MTM1: variants seen among roughly 807,000 people sequenced by gnomAD.
The protein encoded by MTM1 is myotubularin.
In MTM1, 9 loss-of-function variants were observed where a neutral mutation model predicts 52.1. The ratio of observed to expected loss-of-function variants is 0.17; its 90% CI spans 0.10 to 0.30. MTM1 has a LOEUF of 0.30. Among genes scored for constraint, MTM1 ranks in the 10% least tolerant of loss-of-function variants. The pLI, the probability that MTM1 is intolerant of heterozygous loss-of-function variation, is 1.00. For synonymous variants in MTM1, 136 were observed against 163.8 expected (o/e 0.83, Z 1.29); for missense variants, 277 against 470.7 (o/e 0.59, Z 3.81).
intron 4 of MTM1, among the ~76,000 whole-genome samples, chrX:150,601,244 A>G (rs977165272): frequency 9.0e-6 from 1 of 111,698 alleles, no homozygotes; most frequent in African/African-American, 3.2e-5. Context: ...TAAGTTTTAC[A>G]TAAACATTTT....
chrX:150,657,004 A>C (rs1307026250), intron 10 of MTM1, among the ~76,000 whole-genome samples: 3 of 111,064 alleles, frequency 2.7e-5, no homozygotes, highest in Non-Finnish European at 3.8e-5. Flanking sequence ...GAGAAATAAG[A>C]ACACTTTTAC....
intron 4 of MTM1, among the ~76,000 whole-genome samples, chrX:150,611,723 A>G (rs1031287479): frequency 9.0e-6 from 1 of 111,691 alleles, no homozygotes; most frequent in Non-Finnish European, 1.9e-5. Context: ...ACCACCATCA[A>G]TAATCAAGAC....
At chrX:150,642,176 AT>A (rs1309054352) in intron 8 of MTM1, among the ~76,000 whole-genome samples, 2 of 110,775 alleles carry the variant, frequency 1.8e-5, no homozygotes, top group Admixed American at 9.6e-5. Flanking sequence ...AAGTCTAGAC[AT>A]TTTTTTTCCT....
At chrX:150,582,699 C>G (rs782773854) in intron 1 of MTM1, among the ~76,000 whole-genome samples, 1 of 111,041 alleles carries the variant, frequency 9.0e-6, no homozygotes, top group South Asian at 3.8e-4. Flanking sequence ...CAAGGAATGC[C>G]AAGGATTGCA....
chrX:150,628,743 T>C (rs1557413477), intron 6 of MTM1, among the ~76,000 whole-genome samples: 1 of 109,864 alleles, frequency 9.1e-6, no homozygotes, highest in Non-Finnish European at 1.9e-5. Flanking sequence ...TGTTTTCTTT[T>C]TTTTTTTTTG....
intron 4 of MTM1, among the ~76,000 whole-genome samples, chrX:150,607,914 G>A (rs945322349): frequency 8.9e-6 from 1 of 111,772 alleles, no homozygotes; most frequent in Non-Finnish European, 1.9e-5. Context: ...GATCAGTGTT[G>A]CGTGGGAGTA....
chrX:150,654,761 CT>C (rs1432402009), intron 10 of MTM1, among the ~76,000 whole-genome samples: 1 of 111,763 alleles, frequency 8.9e-6, no homozygotes, highest in Non-Finnish European at 1.9e-5. Flanking sequence ...TACATCAGAT[CT>C]TTCACTTGGT....
At chrX:150,656,026 T>G (rs2040107363) in intron 10 of MTM1, among the ~76,000 whole-genome samples, 1 of 111,956 alleles carries the variant, frequency 8.9e-6, no homozygotes, top group Non-Finnish European at 1.9e-5. Flanking sequence ...CTACTGATTA[T>G]GAGCCAGATA....
At chrX:150,578,258 G>A (rs782710916) in intron 1 of MTM1, among the ~76,000 whole-genome samples, 2 of 111,998 alleles carry the variant, frequency 1.8e-5, no homozygotes, top group South Asian at 7.4e-4. Context: ...ACTAAAAGCT[G>A]CTTAGCAAAA....
At chrX:150,613,958 T>G (rs222396) in intron 4 of MTM1, among the ~76,000 whole-genome samples, 38,112 of 111,183 alleles carry the variant, frequency 0.34, 4,921 homozygotes, top group South Asian at 0.55. Flanking sequence ...TTCCAGATGC[T>G]TGGTCTCTAG....
chrX:150,671,566 A>G lies in MTM1; in HGVS notation c.1783A>G (p.Met595Val), dbSNP rs367692513. The stretch of plus-strand genomic sequence containing the variant: ...AACTTCACCTTCCAGTCCTTCGCAA[A>G]TGATGCCCCATGTGCAAACTCACTT... ...PPTSPSSPSQMMPHVQTHF is the reference protein window; with the variant it reads ...PPTSPSSPSQVMPHVQTHF The change falls in exon 15 of 15, where the codon ATG (methionine) becomes GTG (valine). Residue 595 changes from methionine to valine, a missense_variant. Coordinates refer to ENST00000370396, the MANE Select transcript of MTM1 (RefSeq NM_000252.3). 1.2e-5 allele frequency: 14 copies of G among 1,209,206 alleles called. No homozygotes were observed. Among genetic ancestry groups the G allele is most frequent in the Non-Finnish European group, 1.3e-5 (12 of 895,195 alleles).
intron 4 of MTM1, among the ~76,000 whole-genome samples, chrX:150,603,417 G>T (rs1344198255): frequency 8.9e-6 from 1 of 111,821 alleles, no homozygotes; most frequent in Non-Finnish European, 1.9e-5. Flanking sequence ...GATGGGTTAG[G>T]GGCGGGAGAG....
rs1278357976 is a variant in MTM1, at chrX:150,648,342, C to CA, written c.868-1365dup. Among the ~76,000 whole-genome samples the CA allele has an allele frequency of 4.9e-4, 54 of 110,143 alleles. 1 individual carries two copies. In the East Asian group the frequency reaches 6.5e-3, roughly 13 times the overall value. ...TCCAGGAAAAAACAAAAACAAAAAA[C>CA]AAAAAAAAACCTAAGTTTCTTTGGC... On this transcript the variant is annotated intron_variant, in intron 9 of 14. Transcript: ENST00000370396.
At chrX:150,601,921 C>T (rs1232466034) in intron 4 of MTM1, among the ~76,000 whole-genome samples, 1 of 111,977 alleles carries the variant, frequency 8.9e-6, no homozygotes, top group Non-Finnish European at 1.9e-5. Context: ...GCCTTTCCTT[C>T]TCCCATCATG....
intron 1 of MTM1, among the ~76,000 whole-genome samples, chrX:150,580,060 C>T (rs1435097755): frequency 9.0e-6 from 1 of 111,132 alleles, no homozygotes; most frequent in Non-Finnish European, 1.9e-5. Flanking sequence ...TAAGAGTGAC[C>T]GTCCTTGCCT....
chrX:150,594,074 TTA>T (rs1557412555), intron 2 of MTM1, among the ~76,000 whole-genome samples: 1 of 110,568 alleles, frequency 9.0e-6, no homozygotes, highest in Non-Finnish European at 1.9e-5. Flanking sequence ...TTCTTATTGA[TTA>T]TGTGTTCCGT....
intron 1 of MTM1, among the ~76,000 whole-genome samples, chrX:150,584,485 C>CT (rs2038745977): frequency 9.0e-6 from 1 of 111,012 alleles, no homozygotes; most frequent in African/African-American, 3.3e-5. Context: ...CCTTTAATGA[C>CT]TGATGACTAA....
intron 3 of MTM1, among the ~76,000 whole-genome samples, chrX:150,597,844 T>A (rs1029724398): frequency 9.0e-6 from 1 of 111,502 alleles, no homozygotes; most frequent in Admixed American, 9.6e-5. Context: ...CCCAGCACTT[T>A]GAGAGGCCAA....
chrX:150,630,620 A>G (rs1557413547), intron 6 of MTM1, among the ~76,000 whole-genome samples: 1 of 111,083 alleles, frequency 9.0e-6, no homozygotes, highest in African/African-American at 3.3e-5. Context: ...TGTTAGTTGT[A>G]CGTACTTTTT....
Sources: gnomAD v4.1 joint callset for allele counts (sites outside exome capture counted in the v4.1 genomes callset) on GRCh38, gnomAD v4.1.1 for gene constraint, MANE v1.5 for transcripts, NCBI Gene and HGNC (gene_info 2026-07-23, HGNC 2026-07-21) for gene names.